ASB15: variants seen among roughly 807,000 people sequenced by gnomAD.
The protein encoded by ASB15 is ankyrin repeat and SOCS box protein 15.
ASB15 carries 54 observed loss-of-function variants against 58.0 expected under a neutral mutation model. That is an observed-to-expected ratio of 0.93 (90% CI 0.75 to 1.17). ASB15 has a LOEUF of 1.17. Among genes scored for constraint, ASB15 ranks in the 50% most tolerant of loss-of-function variants. ASB15 has a pLI of 0.00. For missense variants in ASB15, 680 were observed against 707.4 expected, an observed-to-expected ratio of 0.96 and a Z score of 0.44; for synonymous variants, 249 against 262.4, an observed-to-expected ratio of 0.95 and a Z score of 0.50.
At chr7:123,580,712 C>T (rs909976748) in intron 1 of ASB15, among the ~76,000 whole-genome samples, 1 of 151,924 alleles carries the variant, frequency 6.6e-6, no homozygotes, top group African/African-American at 2.4e-5. Context: ...TCCAGTCTCC[C>T]CATAACCTCA....
intron 7 of ASB15, among the ~76,000 whole-genome samples, chr7:123,623,973 AAGAAAGAAAG>A (rs1345805046): frequency 3.5e-5 from 5 of 140,876 alleles, no homozygotes; most frequent in Non-Finnish European, 8.0e-5. Context: ...GAAAGAAAGA[AAGAAAGAAAG>A]AAAGAAAGAA....
chr7:123,628,025 T>A (rs563690620), intron 9 of ASB15, among the ~76,000 whole-genome samples: 7 of 152,322 alleles, frequency 4.6e-5, no homozygotes, highest in Admixed American at 3.9e-4. Context: ...TGTTCATAAA[T>A]TCACAACAGT....
At chr7:123,611,269 C>T (rs1800436766) in intron 3 of ASB15, among the ~76,000 whole-genome samples, 1 of 152,084 alleles carries the variant, frequency 6.6e-6, no homozygotes, top group African/African-American at 2.4e-5. Context: ...TGAGTCCTAG[C>T]CACTCAAGGA....
In ASB15 at chr7:123,629,318, G is replaced by C. The variant is rs201469071; in HGVS notation, c.1324G>C (p.Val442Leu). ...LRLLLNNGYQ[V>L]EMCFDCMHGD... ...GCTATTGCTGAATAATGGCTATCAA[G>C]TGGAGATGTGCTTTGACTGCATGCA... The change falls in exon 10 of 12, where the codon GTG becomes CTG. Residue 442 changes from valine (V) to leucine (L), a missense_variant. Val to Leu is a conservative substitution (Grantham distance 32). Coordinates refer to ENST00000451215, the MANE Select transcript of ASB15 (RefSeq NM_001290258.2). 9.9e-6 allele frequency: 16 copies of C among 1,614,106 alleles called. No homozygotes were observed. Among genetic ancestry groups the C allele is most frequent in the Non-Finnish European group, 1.4e-5 (16 of 1,179,966 alleles).
At chr7:123,622,728 T>C (rs1360279957) in intron 7 of ASB15, 1 of 152,138 alleles carries the variant, frequency 6.6e-6, no homozygotes, top group Non-Finnish European at 1.5e-5. Context: ...TTTCTCTTAG[T>C]TTGTTTAGCT....
chr7:123,593,439 C>T (rs900688263), intron 1 of ASB15, among the ~76,000 whole-genome samples: 3 of 152,146 alleles, frequency 2.0e-5, no homozygotes, highest in African/African-American at 7.2e-5. Context: ...TTAGTGCTTC[C>T]TTCAGGAGCT....
chr7:123,630,299 T>A (rs1802054135), intron 11 of ASB15, among the ~76,000 whole-genome samples, 180 bp downstream of exon 11: 1 of 152,232 alleles, frequency 6.6e-6, no homozygotes, highest in African/African-American at 2.4e-5. Flanking sequence ...TTTTTCTTTA[T>A]ATTTTCCAGC....
At chr7:123,571,379 C>T (rs924579577) in intron 1 of ASB15, among the ~76,000 whole-genome samples, 1 of 152,062 alleles carries the variant, frequency 6.6e-6, no homozygotes, top group Admixed American at 6.6e-5. Context: ...AAGAACAATA[C>T]AAAAATGCTA....
Position 123,573,885 on chromosome 7 carries a change from TA to T in ASB15, c.-443+6806del, listed in dbSNP as rs917366966. Among the ~76,000 whole-genome samples the T allele has an allele frequency of 1.1e-4, 17 of 151,364 alleles. No individual in the cohort carries two copies. In the South Asian group the frequency reaches 1.9e-3, roughly 17 times the overall value. On this transcript the variant is annotated intron_variant, in intron 1 of 13. Coordinates refer to the ASB15 transcript ENST00000451558. Reference sequence around the variant, plus strand: ...TTTAGCATGATTGGGTCTTATTAATTAAAAAAAAACTACCATTGTCTTGTGC... The same window carrying T: ...TTTAGCATGATTGGGTCTTATTAATTAAAAAAAACTACCATTGTCTTGTGC...
chr7:123,603,573 G>T (rs553504267), intron 1 of ASB15, among the ~76,000 whole-genome samples: 73 of 152,208 alleles, frequency 4.8e-4, no homozygotes, highest in African/African-American at 1.8e-3. Flanking sequence ...CAACATAGAG[G>T]CCTCTGTCCT....
At chr7:123,611,563 T>C (rs768464642) in intron 3 of ASB15, among the ~76,000 whole-genome samples, 23 of 152,192 alleles carry the variant, frequency 1.5e-4, no homozygotes, top group Non-Finnish European at 3.1e-4. Flanking sequence ...CCCAAAGTAC[T>C]GGGATTACAG....
chr7:123,580,589 A>G (rs2116315507), intron 1 of ASB15, among the ~76,000 whole-genome samples: 1 of 152,202 alleles, frequency 6.6e-6, no homozygotes, highest in African/African-American at 2.4e-5. Flanking sequence ...ATGAAAACCC[A>G]GAACTGCATC....
At chr7:123,572,306 T>C (rs980084802) in intron 1 of ASB15, among the ~76,000 whole-genome samples, 1 of 151,340 alleles carries the variant, frequency 6.6e-6, no homozygotes, top group Admixed American at 6.6e-5. Context: ...CATGCCCGCT[T>C]AATTTTTGTA....
Position 123,627,288 on chromosome 7 carries a change from G to A in ASB15, c.869+7G>A, listed in dbSNP as rs1801858074. The A allele has an allele frequency of 3.7e-6, 6 of 1,604,660 alleles. No individual in the cohort carries two copies. Among genetic ancestry groups the A allele is most frequent in the Middle Eastern group, 1.7e-4 (1 of 6,038 alleles). On this transcript the variant is annotated splice_region_variant and intron_variant, in intron 9 of 11. Coordinates refer to ENST00000451215, the MANE Select transcript of ASB15 (RefSeq NM_001290258.2). ...CCTATGAGGGGCATTATCTGTGAGT[G>A]ATAAATTATAGGGTAATTATTTGAG...
chr7:123,612,823 T>C (rs77320518), intron 3 of ASB15, among the ~76,000 whole-genome samples: 2 of 152,204 alleles, frequency 1.3e-5, no homozygotes, highest in Non-Finnish European at 2.9e-5. Context: ...AGCACAAACC[T>C]GGAGATGACG....
intron 1 of ASB15, among the ~76,000 whole-genome samples, chr7:123,568,087 C>A (rs1220058567): frequency 6.6e-6 from 1 of 152,074 alleles, no homozygotes; most frequent in African/African-American, 2.4e-5. Flanking sequence ...GCGCCATTAC[C>A]CAGTTTTATC....
intron 1 of ASB15, among the ~76,000 whole-genome samples, chr7:123,576,123 T>C (rs146840128): frequency 0.014 from 2,130 of 151,572 alleles, 49 homozygotes; most frequent in African/African-American, 0.048. Context: ...ACTTTCTTTA[T>C]TTCAATTTTA....
upstream of ASB15, among the ~76,000 whole-genome samples, chr7:123,596,848 A>G (rs1799709123): frequency 6.6e-6 from 1 of 152,236 alleles, no homozygotes; most frequent in African/African-American, 2.4e-5. Context: ...GAGAGAATAG[A>G]GTACAATACT....
chr7:123,574,464 C>T (rs532376467), intron 1 of ASB15, among the ~76,000 whole-genome samples: 4 of 152,254 alleles, frequency 2.6e-5, no homozygotes, highest in African/African-American at 9.6e-5. Context: ...AGGGATAGGA[C>T]CTGAATATGA....
Sources: allele counts gnomAD v4.1 joint callset (sites outside exome capture counted in the v4.1 genomes callset), GRCh38; gene constraint gnomAD v4.1.1; transcripts MANE v1.5; gene names NCBI Gene and HGNC (gene_info 2026-07-23, HGNC 2026-07-21).